The following TCF7L2 variants were observed in gnomAD, a reference collection of about 807,000 sequenced individuals.
TCF7L2 encodes the protein transcription factor 7 like 2, also known as transcription factor 7-like 2.
Under a neutral mutation model 77.9 loss-of-function variants are expected in TCF7L2, and 23 were observed. The observed-to-expected ratio is 0.30, with a 90% confidence interval of 0.21 to 0.42. The LOEUF (loss-of-function observed/expected upper bound fraction) is 0.42. TCF7L2 is among the 10% of genes least tolerant of loss of function. TCF7L2 has a pLI of 1.00. For synonymous variants in TCF7L2, 413 were observed against 340.2 expected (o/e 1.21, Z -2.36); for missense variants, 654 against 793.1 (o/e 0.82, Z 2.11).
intron 4 of TCF7L2, among the ~76,000 whole-genome samples, chr10:112,966,536 G>A (rs1208129862): frequency 6.6e-5 from 10 of 152,066 alleles, no homozygotes; most frequent in South Asian, 2.1e-4. Flanking sequence ...CCATGTCGAG[G>A]CCTCCTACAT....
At chr10:112,975,591 C>T (rs2039263687) in intron 4 of TCF7L2, among the ~76,000 whole-genome samples, 1 of 152,182 alleles carries the variant, frequency 6.6e-6, no homozygotes, top group African/African-American at 2.4e-5. Context: ...AAGGGATTCT[C>T]ATACCTCAAC....
intron 4 of TCF7L2, among the ~76,000 whole-genome samples, chr10:113,027,813 C>T (rs999489637): frequency 3.9e-5 from 6 of 152,228 alleles, no homozygotes; most frequent in Admixed American, 3.9e-4. Flanking sequence ...CCCCACATGT[C>T]ATGCCGTCCC....
chr10:113,071,880 AG>A (rs1246206537), intron 5 of TCF7L2, among the ~76,000 whole-genome samples: 1 of 152,184 alleles, frequency 6.6e-6, no homozygotes, highest in Non-Finnish European at 1.5e-5. Context: ...CCTCCAGGTC[AG>A]GGGCTGGCTG....
chr10:113,030,167 T>C (rs1478909897), intron 4 of TCF7L2, among the ~76,000 whole-genome samples: 1 of 152,230 alleles, frequency 6.6e-6, no homozygotes, highest in Non-Finnish European at 1.5e-5. Flanking sequence ...AAAAGAATCA[T>C]ACACCATGAA....
chr10:113,062,576 C>T (rs1308927219), intron 5 of TCF7L2, among the ~76,000 whole-genome samples: 1 of 152,062 alleles, frequency 6.6e-6, no homozygotes, highest in Non-Finnish European at 1.5e-5. Context: ...CCCCTTCCCC[C>T]ACACACCACC....
chr10:113,154,575 A>C (rs1015330489), intron 11 of TCF7L2, among the ~76,000 whole-genome samples: 1 of 152,124 alleles, frequency 6.6e-6, no homozygotes, highest in Non-Finnish European at 1.5e-5. Flanking sequence ...ATCTCTACAA[A>C]GGTACAAGGC....
intron 5 of TCF7L2, among the ~76,000 whole-genome samples, chr10:113,053,050 C>T (rs2054739593): frequency 6.6e-6 from 1 of 152,166 alleles, no homozygotes; most frequent in South Asian, 2.1e-4. Context: ...GAGTTCAAGC[C>T]TGGCGTGGGA....
intron 4 of TCF7L2, among the ~76,000 whole-genome samples, chr10:113,026,306 C>T (rs879304594): frequency 1.3e-5 from 2 of 152,152 alleles, no homozygotes; most frequent in African/African-American, 2.4e-5. Flanking sequence ...TACCCACCAC[C>T]ATGCCTGGCT....
chr10:113,106,009 A>T (rs1315661827), intron 5 of TCF7L2, among the ~76,000 whole-genome samples: 6 of 152,362 alleles, frequency 3.9e-5, no homozygotes, highest in African/African-American at 1.4e-4. Flanking sequence ...GTAAGAAGAT[A>T]GCAGTAAGTG....
intron 5 of TCF7L2, among the ~76,000 whole-genome samples, chr10:113,093,714 T>G (rs1051793033): frequency 6.6e-6 from 1 of 152,216 alleles, no homozygotes; most frequent in African/African-American, 2.4e-5. Flanking sequence ...GCTATTCATG[T>G]ACATTTTAAA....
rs2073993582 is a variant in TCF7L2 at position 113,165,587 on chromosome 10, G to A, written c.1424G>A (p.Gly475Asp). The A allele has an allele frequency of 6.2e-7, 1 of 1,613,878 alleles. No homozygotes were observed. The highest frequency in any genetic ancestry group is 1.3e-5 in the African/African-American group (1 of 74,868). Residue 475 changes from glycine (G) to aspartate (D), a missense_variant, in exon 14 of 14, where the codon GGT (glycine) becomes GAT (aspartate). Gly to Asp is a moderately conservative substitution (Grantham distance 94). Around this residue, in one of 6 missense-constraint regions of TCF7L2, gnomAD observed 272 missense variants for 215.4 expected, o/e 1.26. Transcript: ENST00000627217. ...AAAAAGTGCGTTCGCTACATACAAG[G>A]TGAAGGCAGCTGCCTCAGCCCACCC...
At chr10:113,017,027 A>T (rs2047447645) in intron 4 of TCF7L2, among the ~76,000 whole-genome samples, 1 of 152,072 alleles carries the variant, frequency 6.6e-6, no homozygotes, top group Admixed American at 6.5e-5. Flanking sequence ...AGAGAAGGGG[A>T]TTTTTGTACC....
chr10:113,072,339 TCACCGC>T (rs907911042), intron 5 of TCF7L2, among the ~76,000 whole-genome samples: 1 of 151,094 alleles, frequency 6.6e-6, no homozygotes, highest in African/African-American at 2.4e-5. Context: ...CTGGCGTGAG[TCACCGC>T]GCCTGGCCTT....
chr10:112,952,963 C>A (rs118097956), intron 3 of TCF7L2, among the ~76,000 whole-genome samples: 1 of 151,972 alleles, frequency 6.6e-6, no homozygotes, highest in Admixed American at 6.6e-5. Flanking sequence ...CATTTTACAC[C>A]TTCTCCAGTT....
At chr10:113,058,536 G>C (rs1037085695) in intron 5 of TCF7L2, among the ~76,000 whole-genome samples, 1 of 152,130 alleles carries the variant, frequency 6.6e-6, no homozygotes, top group African/African-American at 2.4e-5. Flanking sequence ...CCTCCGGGCA[G>C]CTCATAGCCC....
At chr10:113,070,538 A>T (rs542940368) in intron 5 of TCF7L2, among the ~76,000 whole-genome samples, 1 of 152,156 alleles carries the variant, frequency 6.6e-6, no homozygotes, top group African/African-American at 2.4e-5. Context: ...GGGAATCATC[A>T]TGTGCCAGGC....
intron 5 of TCF7L2, among the ~76,000 whole-genome samples, chr10:113,117,424 TCTCTCTCTCC>T (rs1564916514): frequency 0.01 from 351 of 33,442 alleles, 46 homozygotes; most frequent in East Asian, 0.033. Flanking sequence ...TCTCTCTCTC[TCTCTCTCTCC>T]CTCTCTCTCT....
chr10:113,074,289 GCTACCACCAGCCCACACCCCT>G (rs2058455515), intron 5 of TCF7L2, among the ~76,000 whole-genome samples: 1 of 152,060 alleles, frequency 6.6e-6, no homozygotes, highest in Non-Finnish European at 1.5e-5. Context: ...TTGCCAGTTT[GCTACCACCAGCCCACACCCCT>G]CTTCCCGTTG....
intron 5 of TCF7L2, among the ~76,000 whole-genome samples, chr10:113,048,918 T>A (rs981587903): frequency 6.6e-6 from 1 of 152,334 alleles, no homozygotes; most frequent in African/African-American, 2.4e-5. Flanking sequence ...TGATGATTGT[T>A]TTGTTAATGG....
Sources: gnomAD v4.1 joint callset for allele counts (sites outside exome capture counted in the v4.1 genomes callset) on GRCh38, gnomAD v4.1.1 for gene constraint, gnomAD v4.1.1 regional missense constraint, MANE v1.5 for transcripts, NCBI Gene and HGNC (gene_info 2026-07-23, HGNC 2026-07-21) for gene names.